The following GFOD1 variants were observed in gnomAD, a reference collection of about 807,000 sequenced individuals.
GFOD1 encodes Gfo/Idh/MocA-like oxidoreductase domain containing 1, also known as glucose-fructose oxidoreductase domain-containing protein 1.
Under a neutral mutation model 25.4 loss-of-function variants are expected in GFOD1, and 9 were observed. That is an observed-to-expected ratio of 0.35 (90% CI 0.21 to 0.62). The LOEUF is 0.62. Ranked by LOEUF, GFOD1 falls within the 20% of genes least tolerant of loss-of-function variation. The probability of loss-of-function intolerance (pLI) is 0.72; values close to 1 mark genes in which losing one functional copy is unlikely to be tolerated. For missense variants in GFOD1, 403 were observed against 556.9 expected, an observed-to-expected ratio of 0.72 and a Z score of 2.78; for synonymous variants, 253 against 245.6, an observed-to-expected ratio of 1.03 and a Z score of -0.28.
At chr6:13,416,278 A>G (rs575463341) in intron 1 of GFOD1, among the ~76,000 whole-genome samples, 1 of 152,244 alleles carries the variant, frequency 6.6e-6, no homozygotes, top group Admixed American at 6.5e-5. Flanking sequence ...TAAATTGTCC[A>G]GTCTCAAGTA....
chr6:13,374,273 T>TTTTTTG (rs1554199406), intron 1 of GFOD1, among the ~76,000 whole-genome samples: 4 of 134,414 alleles, frequency 3.0e-5, no homozygotes, highest in African/African-American at 1.2e-4. Flanking sequence ...TGTTTTTTTT[T>TTTTTTG]TGTGTGTGTG....
At chr6:13,407,935 C>G in intron 1 of GFOD1, 7 of 984,740 alleles carry the variant, frequency 7.1e-6, no homozygotes, top group Non-Finnish European at 8.4e-6. Context: ...TCGGAGATTG[C>G]CCAACCAAAG....
chr6:13,459,072 G>A (rs185844610), intron 1 of GFOD1, among the ~76,000 whole-genome samples: 16 of 152,286 alleles, frequency 1.1e-4, no homozygotes, highest in Admixed American at 3.9e-4. Context: ...CTAACGGTAG[G>A]TGCCAGGGCC....
intron 1 of GFOD1, among the ~76,000 whole-genome samples, chr6:13,446,884 C>A (rs1185150706): frequency 1.3e-5 from 2 of 152,230 alleles, no homozygotes; most frequent in Admixed American, 1.3e-4. Context: ...CATTTCTCTG[C>A]CCATCTTCTA....
chr6:13,483,836 C>T (rs373990949), intron 1 of GFOD1, among the ~76,000 whole-genome samples: 7 of 152,162 alleles, frequency 4.6e-5, no homozygotes, highest in African/African-American at 1.2e-4. Flanking sequence ...AGCAAAGTGA[C>T]TCAGGTCTCT....
chr6:13,377,657 T>G (rs1289778800), intron 1 of GFOD1, among the ~76,000 whole-genome samples: 1 of 152,188 alleles, frequency 6.6e-6, no homozygotes, highest in African/African-American at 2.4e-5. Flanking sequence ...GATCCCCTTT[T>G]TGCCGTAGAA....
chr6:13,432,050 C>A (rs1213581699), intron 1 of GFOD1, among the ~76,000 whole-genome samples: 1 of 152,144 alleles, frequency 6.6e-6, no homozygotes, highest in African/African-American at 2.4e-5. Context: ...GGTGACTCAG[C>A]CCCAGCAAGG....
chr6:13,486,566 C>T, intron 1 of GFOD1, 72 bp downstream of exon 1: 1 of 1,265,724 alleles, frequency 7.9e-7, no homozygotes, highest in East Asian at 2.4e-5. Context: ...GAGGGAAAGG[C>T]AGGGGGGAAG....
At chr6:13,408,092 C>T (rs1181793550) in intron 1 of GFOD1, 2 of 985,294 alleles carry the variant, frequency 2.0e-6, no homozygotes, top group Non-Finnish European at 2.4e-6. Context: ...TGGCTGAGAG[C>T]CCGGCCACGG....
chr6:13,436,570 A>G (rs1365303817), intron 1 of GFOD1, among the ~76,000 whole-genome samples: 2 of 152,240 alleles, frequency 1.3e-5, no homozygotes, highest in African/African-American at 4.8e-5. Context: ...ATATGACACA[A>G]TTCACTTAAC....
At chr6:13,374,732 T>A (rs1213640295) in intron 1 of GFOD1, among the ~76,000 whole-genome samples, 1 of 131,674 alleles carries the variant, frequency 7.6e-6, no homozygotes, top group Admixed American at 7.4e-5. Context: ...TCAAATCTTT[T>A]TTTTTTTTTT....
At position 13,362,044 on chromosome 6, in the gene GFOD1, C is replaced by T. The variant is rs907244018; in HGVS notation, c.*2699G>A. 5 of 152,038 alleles carry T rather than the reference C, an allele frequency of 3.3e-5. No individual in the cohort carries two copies. Among genetic ancestry groups the T allele is most frequent in the Non-Finnish European group, 7.4e-5 (5 of 68,008 alleles). The allele number at this position is 152,038 out of a possible 1,614,324, so 9.4% of individuals were successfully genotyped here. A position where few individuals can be genotyped will look rare whatever the true frequency, so the allele number is the denominator to read the frequency against. ...TATGAATGACTTAGAAAAATGAAACCCATTGAATCATTTTGTTTACTTTCC... is the reference window on the plus strand; with the variant it reads ...TATGAATGACTTAGAAAAATGAAACTCATTGAATCATTTTGTTTACTTTCC... On this transcript the variant is annotated 3_prime_UTR_variant, in exon 2 of 2. Coordinates refer to ENST00000379287, the MANE Select transcript of GFOD1 (RefSeq NM_018988.4).
chr6:13,374,276 TG>T (rs1785211623), intron 1 of GFOD1, among the ~76,000 whole-genome samples: 12 of 139,318 alleles, frequency 8.6e-5, no homozygotes, highest in Admixed American at 1.4e-4. Flanking sequence ...TTTTTTTTTG[TG>T]TGTGTGTGTG....
At chr6:13,370,106 C>A (rs1428226716) in intron 1 of GFOD1, among the ~76,000 whole-genome samples, 2 of 152,212 alleles carry the variant, frequency 1.3e-5, no homozygotes, top group African/African-American at 4.8e-5. Context: ...GGGGAGCTGG[C>A]AGGTCCCAGC....
Position 13,364,973 on chromosome 6 carries a change from G to C in GFOD1, c.943C>G (p.Gln315Glu), listed in dbSNP as rs1785012056. The part of the protein sequence containing the change: ...GTIKMMQAVR[Q>E]AFQDQDDRRT... Reference sequence around the variant, plus strand: ...CGGTCGTCCTGGTCCTGGAAGGCCTGGCGCACCGCCTGCATCATCTTGATG... The same window carrying C: ...CGGTCGTCCTGGTCCTGGAAGGCCTCGCGCACCGCCTGCATCATCTTGATG... Residue 315 changes from glutamine to glutamate, a missense_variant, in exon 2 of 2, where the codon CAG becomes GAG. Transcript: ENST00000379287. This position sits in a 1 kb window ranked among gnomAD's most constrained non-coding sequence, Gnocchi z 4.1. The C allele has an allele frequency of 1.2e-6, 2 of 1,609,470 alleles. No homozygotes were observed. Among genetic ancestry groups the C allele is most frequent in the South Asian group, 2.2e-5 (2 of 91,046 alleles).
chr6:13,416,435 T>C (rs942136448), intron 1 of GFOD1, among the ~76,000 whole-genome samples: 1 of 152,186 alleles, frequency 6.6e-6, no homozygotes, highest in East Asian at 1.9e-4. Flanking sequence ...AGGAACTTAC[T>C]TTAGAAACAG....
At chr6:13,369,475 C>A (rs1217901002) in intron 1 of GFOD1, among the ~76,000 whole-genome samples, 2 of 152,054 alleles carry the variant, frequency 1.3e-5, no homozygotes, top group African/African-American at 2.4e-5. Flanking sequence ...GAGTTTGAGA[C>A]CAGTCTGGAC....
chr6:13,387,521 T>C (rs563221688), intron 1 of GFOD1, among the ~76,000 whole-genome samples: 18 of 152,240 alleles, frequency 1.2e-4, no homozygotes, highest in African/African-American at 4.3e-4. Context: ...AAAAACCACA[T>C]GATTATCTCA....
intron 1 of GFOD1, among the ~76,000 whole-genome samples, chr6:13,388,013 A>G (rs921276132): frequency 1.3e-5 from 2 of 152,246 alleles, no homozygotes; most frequent in Admixed American, 6.5e-5. Flanking sequence ...CCCATTCACA[A>G]TCACTATGAA....
Sources: allele counts gnomAD v4.1 joint callset (sites outside exome capture counted in the v4.1 genomes callset), GRCh38; gene constraint gnomAD v4.1.1; non-coding constraint Gnocchi (gnomAD v3.1); transcripts MANE v1.5; gene names NCBI Gene and HGNC (gene_info 2026-07-23, HGNC 2026-07-21).